Variants in PCNX1 observed in about 807,000 individuals in gnomAD.
PCNX1 encodes the protein pecanex-like protein 1.
Under a neutral mutation model 242.2 loss-of-function variants are expected in PCNX1, and 78 were observed. That is an observed-to-expected ratio of 0.32 (90% confidence interval 0.27 to 0.39). The LOEUF is 0.39. Among genes scored for constraint, PCNX1 ranks in the 10% least tolerant of loss-of-function variants. The pLI, the probability that PCNX1 is intolerant of heterozygous loss-of-function variation, is 1.00. For synonymous variants in PCNX1, 1,024 were observed against 1,032.9 expected, an observed-to-expected ratio of 0.99 and a Z score of 0.17; for missense variants, 2,581 against 2,856.5, an observed-to-expected ratio of 0.90 and a Z score of 2.20.
chr14:71,011,591 T>C, intron 10 of PCNX1, 42 bp downstream of exon 10: 1 of 1,127,596 alleles, frequency 8.9e-7, no homozygotes, highest in Non-Finnish European at 1.3e-6. Flanking sequence ...AATTTTCAGA[T>C]TAAATCTGAA....
chr14:71,042,830 A>G (rs1056060798), intron 19 of PCNX1, among the ~76,000 whole-genome samples: 4 of 151,868 alleles, frequency 2.6e-5, no homozygotes, highest in Non-Finnish European at 5.9e-5. Context: ...TTACTCTTCA[A>G]TTTGATTGGT....
At chr14:71,016,437 G>C (rs2059963865) in intron 11 of PCNX1, among the ~76,000 whole-genome samples, 1 of 152,164 alleles carries the variant, frequency 6.6e-6, no homozygotes, top group Non-Finnish European at 1.5e-5. Context: ...TCCATAACAA[G>C]AGAATATACA....
At chr14:71,023,258 C>T (rs1187522671) in intron 13 of PCNX1, 26 bp downstream of exon 13, 1 of 1,502,740 alleles carries the variant, frequency 6.7e-7, no homozygotes, top group African/African-American at 1.4e-5. Flanking sequence ...TATGGCTGTA[C>T]ATTATAGGTC....
rs75138478 is a variant in PCNX1, at chr14:71,070,789, A to T, written c.4853-2756A>T. ...TTTGAAATGGTAAATGAGCATTTCAACTTAAACTTAGCAGCTCCGTTAGAC... is the reference window on the plus strand; with the variant it reads ...TTTGAAATGGTAAATGAGCATTTCATCTTAAACTTAGCAGCTCCGTTAGAC... On this transcript the variant is annotated intron_variant, in intron 26 of 35. Transcript: ENST00000304743. Among the ~76,000 whole-genome samples the T allele has an allele frequency of 9.0e-3, 1,368 of 152,310 alleles. 10 individuals carry two copies. The highest frequency in any genetic ancestry group is 0.012 in the Non-Finnish European group (842 of 68,020).
chr14:71,087,806 A>T (rs1291698561), intron 28 of PCNX1, among the ~76,000 whole-genome samples: 1 of 152,142 alleles, frequency 6.6e-6, no homozygotes, highest in Admixed American at 6.5e-5. Flanking sequence ...GCTTCTTTCA[A>T]TTGTAAGGCA....
chr14:70,977,413 G>A lies in PCNX1; in HGVS notation c.1076G>A (p.Ser359Asn). Reference protein sequence around the residue: ...TSQPPTKSGKSKPLKAEKSMD... With the variant: ...TSQPPTKSGKNKPLKAEKSMD... ...CAGCCACCCACAAAAAGTGGGAAGA[G>A]CAAACCTTTGAAAGCAGAGAAAAGC... The change falls in exon 6 of 36, where the codon AGC becomes AAC. Residue 359 changes from serine to asparagine, a missense_variant. By Grantham distance (46) the Ser-to-Asn change is conservative (BLOSUM62 1). Around this residue, in one of 9 missense-constraint regions of PCNX1, gnomAD observed 1,204 missense variants for 1,216.7 expected, o/e 0.99. Transcript: ENST00000304743. 1 of 1,614,096 alleles carries A rather than the reference G, an allele frequency of 6.2e-7. No homozygotes were observed. The highest frequency in any genetic ancestry group is 8.5e-7 in the Non-Finnish European group (1 of 1,180,040).
At position 71,047,988 on chromosome 14, in the gene PCNX1, A is replaced by G. The variant is rs1435251374; in HGVS notation, c.4338+4A>G. On this transcript the variant is annotated splice_donor_region_variant and intron_variant, in intron 22 of 35. Transcript: ENST00000304743. ...TATGTCCATACTCTTCAACAAGGTA[A>G]TTTATCACTGAAAGGAATATCCTTA... 6.2e-7 allele frequency: 1 copy of G among 1,601,456 alleles called. No homozygotes were observed. Among genetic ancestry groups the G allele is most frequent in the Non-Finnish European group, 8.5e-7 (1 of 1,170,822 alleles).
chr14:71,045,001 A>G (rs1334308087), intron 19 of PCNX1, 132 bp from the exon 20 acceptor site: 3 of 631,954 alleles, frequency 4.7e-6, no homozygotes, highest in Non-Finnish European at 8.1e-6. Context: ...TAACTGTAGA[A>G]AAATGTTTAG....
rs2062825357 is a variant in PCNX1 at position 71,114,918 on chromosome 14, G to T, written c.*4983G>T. On this transcript the variant is annotated 3_prime_UTR_variant, in exon 36 of 36. Transcript: ENST00000304743. ...ACAAGATTTTTTATCTATGAAGCTT[G>T]ATTCTACAACCAAAATAATAGAAAT... The T allele has an allele frequency of 9.4e-6, 1 of 106,246 alleles. No homozygotes were observed. The highest frequency in any genetic ancestry group is 1.7e-5 in the Non-Finnish European group (1 of 58,556). The allele number at this position is 106,246 out of a possible 1,614,324, so 6.6% of individuals were successfully genotyped here. A position where few individuals can be genotyped will look rare whatever the true frequency, so the allele number is the denominator to read the frequency against.
In PCNX1 at chr14:71,057,582, T is replaced by C. The variant is rs751429130; in HGVS notation, c.4710T>C (p.Gly1570=). ...GATCCCTACAGCACAGCCTCTGTGG[T>C]GATTTGCTACTAGGACGGTGGGGAA... ...LTRSLQHSLC[G]DLLLGRWGNY... Residue 1570 remains glycine, a synonymous_variant, in exon 26 of 36, where the codon GGT becomes GGC. Transcript: ENST00000304743. The C allele has an allele frequency of 6.2e-7, 1 of 1,613,844 alleles. No individual in the cohort carries two copies. The highest frequency in any genetic ancestry group is 1.7e-5 in the Admixed American group (1 of 60,016).
chr14:71,089,486 C>G (rs2141655504), intron 30 of PCNX1, 144 bp downstream of exon 30: 1 of 609,204 alleles, frequency 1.6e-6, no homozygotes, highest in African/African-American at 1.9e-5. Flanking sequence ...AATTGACTCA[C>G]AGTTCCACAG....
chr14:70,934,289 G>C lies in PCNX1; in HGVS notation c.154-12626G>C, dbSNP rs769116849. The stretch of plus-strand genomic sequence containing the variant: ...AGGATAAGCTGTCAGAATTTAAGAA[G>C]ACTAAACTGTGGGGTAAATGGCTCG... On this transcript the variant is annotated intron_variant, in intron 1 of 35. Transcript: ENST00000304743. Among the ~76,000 whole-genome samples, 22 of 152,264 alleles carry C rather than the reference G, an allele frequency of 1.4e-4. 1 individual carries two copies. Among genetic ancestry groups the C allele is most frequent in the Non-Finnish European group, 2.9e-4 (20 of 68,014 alleles).
intron 2 of PCNX1, among the ~76,000 whole-genome samples, chr14:70,953,664 C>CTTT (rs33967128): frequency 1.7e-5 from 2 of 114,926 alleles, no homozygotes; most frequent in East Asian, 5.0e-4. Flanking sequence ...TTTTTTCTTT[C>CTTT]TTTTTTTTTT....
At position 71,112,059 on chromosome 14, in the gene PCNX1, C is replaced by G. The variant is rs2062763149; in HGVS notation, c.*2124C>G. 1 of 152,294 alleles carries G rather than the reference C, an allele frequency of 6.6e-6. No homozygotes were observed. The highest frequency in any genetic ancestry group is 1.5e-5 in the Non-Finnish European group (1 of 67,876). 9.4% of individuals were successfully genotyped at this position (152,294 alleles called of 1,614,324 possible). ...AAAATCTTCTGAAAGGAACTATGTT[C>G]CCTGCTGCTTCTTCCCTTTCTGAAG... On this transcript the variant is annotated 3_prime_UTR_variant, in exon 36 of 36. Coordinates refer to ENST00000304743, the MANE Select transcript of PCNX1 (RefSeq NM_014982.3).
At position 71,112,746 on chromosome 14, in the gene PCNX1, T is replaced by G; in HGVS notation, c.*2811T>G. On this transcript the variant is annotated 3_prime_UTR_variant, in exon 36 of 36. Coordinates refer to ENST00000304743, the MANE Select transcript of PCNX1 (RefSeq NM_014982.3). ...TTATAAATTTGCCAATGCTTTAATT[T>G]CCATAATTTGAAAGTTAAAAGATGT... The G allele has an allele frequency of 6.6e-6, 1 of 152,184 alleles. No homozygotes were observed. The highest frequency in any genetic ancestry group is 1.9e-4 in the East Asian group (1 of 5,198). 9.4% of individuals were successfully genotyped at this position (152,184 alleles called of 1,614,324 possible).
At chr14:71,073,444 C>T (rs936342611) in intron 26 of PCNX1, 101 bp from the exon 27 acceptor site, 29 of 1,122,986 alleles carry the variant, frequency 2.6e-5, no homozygotes. Flanking sequence ...CTTTCAATTG[C>T]AATAAAATAT....
intron 8 of PCNX1, among the ~76,000 whole-genome samples, chr14:70,997,686 A>G (rs2059392345): frequency 1.3e-5 from 2 of 152,162 alleles, no homozygotes; most frequent in Admixed American, 1.3e-4. Flanking sequence ...CAAATTGAAT[A>G]CTTAGTAATA....
chr14:71,000,353 A>G (rs61990379), intron 8 of PCNX1, among the ~76,000 whole-genome samples: 44,944 of 151,892 alleles, frequency 0.3, 6,661 homozygotes, highest in Middle Eastern at 0.39. Flanking sequence ...GATATCCACT[A>G]TTAGTATGTT....
chr14:71,003,366 C>T (rs1435976066), intron 8 of PCNX1, among the ~76,000 whole-genome samples: 3 of 152,088 alleles, frequency 2.0e-5, no homozygotes, highest in South Asian at 2.1e-4. Flanking sequence ...GCTGGGATTA[C>T]GGGCATGAGC....
Sources: allele counts gnomAD v4.1 joint callset (sites outside exome capture counted in the v4.1 genomes callset), GRCh38; gene constraint gnomAD v4.1.1; regional missense constraint gnomAD v4.1.1; transcripts MANE v1.5; gene names NCBI Gene and HGNC (gene_info 2026-07-23, HGNC 2026-07-21).